Variants in IFT140 observed in about 807,000 individuals in gnomAD.
IFT140 encodes intraflagellar transport 140.
IFT140 carries 133 observed loss-of-function variants against 164.6 expected under a neutral mutation model. That is an observed-to-expected ratio of 0.81 (90% CI 0.70 to 0.93). The LOEUF (loss-of-function observed/expected upper bound fraction) is 0.93. Among genes scored for constraint, IFT140 ranks in the 40% least tolerant of loss-of-function variants. The pLI, the probability that IFT140 is intolerant of heterozygous loss-of-function variation, is 0.00. For missense variants in IFT140, 2,045 were observed against 1,972.3 expected (o/e 1.04, Z -0.70); for synonymous variants, 860 against 817.3 (o/e 1.05, Z -0.89).
At position 1,587,986 on chromosome 16, in the gene IFT140, G is replaced by C. The variant is rs563162000; in HGVS notation, c.849C>G (p.Ile283Met). 3 of 1,613,910 alleles carry C rather than the reference G, an allele frequency of 1.9e-6. No individual in the cohort carries two copies. The highest frequency in any genetic ancestry group is 3.3e-5 in the Admixed American group (2 of 59,996). ...CGAGAAGGCTGCCTTCAATCAAAGCGATGTCTGCCCGGCGGCCGGTTTTCC... is the reference window on the plus strand; with the variant it reads ...CGAGAAGGCTGCCTTCAATCAAAGCCATGTCTGCCCGGCGGCCGGTTTTCC... ...LSGKTGRRADIALIEGSLLVM... is the reference protein window; with the variant it reads ...LSGKTGRRADMALIEGSLLVM... Residue 283 changes from isoleucine to methionine, a missense_variant, in exon 8 of 31, where the codon ATC becomes ATG. Coordinates refer to ENST00000426508, the MANE Select transcript of IFT140 (RefSeq NM_014714.4).
At chr16:1,518,769 C>G (rs1053504960) in intron 29 of IFT140, among the ~76,000 whole-genome samples, 8 of 151,948 alleles carry the variant, frequency 5.3e-5, no homozygotes, top group Non-Finnish European at 8.8e-5. Context: ...TGCCCGCACA[C>G]AGGCTGCGTG....
intron 13 of IFT140, among the ~76,000 whole-genome samples, chr16:1,575,677 C>T (rs187466760): frequency 1.3e-5 from 2 of 152,318 alleles, no homozygotes; most frequent in Admixed American, 1.3e-4. Flanking sequence ...TATTTCCCAT[C>T]ATGCCACTAG....
chr16:1,513,951 G>A (rs905887391), intron 30 of IFT140, among the ~76,000 whole-genome samples: 3 of 151,328 alleles, frequency 2.0e-5, no homozygotes, highest in Admixed American at 2.0e-4. Flanking sequence ...GGGATTACAG[G>A]CGTGAGCCAC....
chr16:1,599,148 G>A (rs367877827), intron 4 of IFT140, among the ~76,000 whole-genome samples: 4 of 80,206 alleles, frequency 5.0e-5, no homozygotes, highest in South Asian at 5.0e-4. Flanking sequence ...CGGCCGCCCC[G>A]TCTGAGAAGT....
In IFT140 at chr16:1,553,296, CTCTCTGTG is replaced by C. The variant is rs1462056763; in HGVS notation, c.2399+4631_2399+4638del. 1 of 983,444 alleles carries C rather than the reference CTCTCTGTG, an allele frequency of 1.0e-6. No individual in the cohort carries two copies. Among genetic ancestry groups the C allele is most frequent in the Non-Finnish European group, 1.2e-6 (1 of 828,358 alleles). The allele number at this position is 983,444 out of a possible 1,614,324, so 60.9% of individuals were successfully genotyped here. A position where few individuals can be genotyped will look rare whatever the true frequency, so the allele number is the denominator to read the frequency against. ...TCTGTCTCTCTGTGTCTCTGCCTGT[CTCTCTGTG>C]TCTCTGTCTCTGTGTCTCTGTCCCT... On this transcript the variant is annotated intron_variant, in intron 19 of 30. Transcript: ENST00000426508. This position sits in a 1 kb window ranked among gnomAD's most constrained non-coding sequence, Gnocchi z 4.4.
chr16:1,518,304 T>C lies in IFT140; in HGVS notation c.4094A>G (p.Glu1365Gly), dbSNP rs770547853. ...ESIKQCELLL[E>G]EPDLDSTIRI... is the part of the protein sequence containing the mutation. ...GATGGTGCTGTCCAGGTCTGGTTCCTCCAGGAGCAGCTCACACTGCTTGAT... is the reference window on the plus strand; with the variant it reads ...GATGGTGCTGTCCAGGTCTGGTTCCCCCAGGAGCAGCTCACACTGCTTGAT... Residue 1365 changes from glutamate to glycine, a missense_variant, in exon 30 of 31, where the codon GAG becomes GGG. Physicochemically the swap from Glu to Gly is moderately conservative, Grantham distance 98. Transcript: ENST00000426508. The C allele has an allele frequency of 6.2e-7, 1 of 1,614,094 alleles. No individual in the cohort carries two copies. The highest frequency in any genetic ancestry group is 2.2e-5 in the East Asian group (1 of 44,842).
chr16:1,554,776 C>T (rs2032952808), intron 19 of IFT140: 1 of 1,613,934 alleles, frequency 6.2e-7, no homozygotes, highest in Non-Finnish European at 8.5e-7. Context: ...CTTCTCTCAT[C>T]TGCAGGTTTT....
intron 19 of IFT140, among the ~76,000 whole-genome samples, chr16:1,543,794 A>G (rs2031888070): frequency 6.6e-6 from 1 of 152,178 alleles, no homozygotes; most frequent in Non-Finnish European, 1.5e-5. Flanking sequence ...GAGGGCCATA[A>G]AACAGAGAAG....
At chr16:1,524,096 A>T in intron 24 of IFT140, 140 bp from the exon 25 acceptor site, 1 of 1,108,866 alleles carries the variant, frequency 9.0e-7, no homozygotes, top group Non-Finnish European at 1.3e-6. Flanking sequence ...ATGGGTTTTA[A>T]GGAGCTGATG....
rs1034308465 is a variant in IFT140 at position 1,575,235 on chromosome 16, C to A, written c.1525-3701G>T. Reference sequence around the variant, plus strand: ...AATAATAATAACAAAATTAGCCAGGCATGGTGATTGGCACCTGTGGTCCCA... The same window carrying A: ...AATAATAATAACAAAATTAGCCAGGAATGGTGATTGGCACCTGTGGTCCCA... On this transcript the variant is annotated intron_variant, in intron 13 of 30. Transcript: ENST00000426508. 2.0e-5 allele frequency among the ~76,000 whole-genome samples: 3 copies of A among 151,668 alleles called. No individual in the cohort carries two copies. The South Asian group carries it at 6.3e-4, about 32-fold the overall frequency.
At chr16:1,590,090 A>G (rs1013144042) in intron 6 of IFT140, among the ~76,000 whole-genome samples, 1 of 150,560 alleles carries the variant, frequency 6.6e-6, no homozygotes, top group African/African-American at 2.5e-5. Flanking sequence ...AATCCCATCT[A>G]CTTGGGAGAC....
intron 4 of IFT140, among the ~76,000 whole-genome samples, chr16:1,599,107 C>A (rs9819297): frequency 0.013 from 1,096 of 85,854 alleles, 29 homozygotes; most frequent in African/African-American, 0.066. Flanking sequence ...CCGGCCGAGA[C>A]CCCGTCTGGG....
At chr16:1,568,648 G>A (rs961959882) in intron 14 of IFT140, among the ~76,000 whole-genome samples, 1 of 152,134 alleles carries the variant, frequency 6.6e-6, no homozygotes, top group Non-Finnish European at 1.5e-5. Flanking sequence ...TTGGGAGGGT[G>A]AGGCAGGCAG....
rs1271260280 is a variant in IFT140 at position 1,520,065 on chromosome 16, G to A, written c.3874-18C>T. On this transcript the variant is annotated intron_variant, in intron 28 of 30. Transcript: ENST00000426508. The stretch of plus-strand genomic sequence containing the variant: ...ATCTCCACCTGTACAGATGAAACCC[G>A]TCAAGACCTGCCGGGCTCCACAGCC... The A allele has an allele frequency of 3.7e-6, 6 of 1,606,446 alleles. No individual in the cohort carries two copies. The highest frequency in any genetic ancestry group is 2.2e-5 in the South Asian group (2 of 90,676).
chr16:1,571,421 A>G lies in IFT140; in HGVS notation c.1638T>C (p.Phe546=), dbSNP rs1423733549. The G allele has an allele frequency of 1.2e-6, 2 of 1,611,494 alleles. No individual in the cohort carries two copies. Among genetic ancestry groups the G allele is most frequent in the African/African-American group, 1.3e-5 (1 of 74,754 alleles). ...AAAAAATTTACCTTCGGGAAAGATCAAAGCTTTTAAAGTGAGCCAAGTCTG... is the reference window on the plus strand; with the variant it reads ...AAAAAATTTACCTTCGGGAAAGATCGAAGCTTTTAAAGTGAGCCAAGTCTG... ...VGTDLAHFKS[F]DLSRREAKAH... is the part of the protein sequence containing the mutation. Residue 546 remains phenylalanine, a synonymous_variant, in exon 14 of 31, where the codon TTT becomes TTC. Coordinates refer to ENST00000426508, the MANE Select transcript of IFT140 (RefSeq NM_014714.4).
Position 1,568,308 on chromosome 16 carries a change from C to T in IFT140, c.1679G>A (p.Arg560Lys), listed in dbSNP as rs376061729. The T allele has an allele frequency of 3.7e-6, 6 of 1,613,758 alleles. No homozygotes were observed. In the African/African-American group the frequency reaches 8.0e-5, roughly 22 times the overall value. ...RREAKAHCSC[R>K]SLAELVPGVG... is the part of the protein sequence containing the mutation. ...CCCAGGGACCAGCTCCGCCAGGCTC[C>T]TGCAGCTACAGTGTGCTTTGGCCTC... Residue 560 changes from arginine (R) to lysine (K), a missense_variant, in exon 15 of 31, where the codon AGG (arginine) becomes AAG (lysine). Arg to Lys is a conservative substitution (Grantham distance 26). Transcript: ENST00000426508.
rs530458420 is a variant in IFT140, at chr16:1,549,498, G to A, written c.2399+8437C>T. 7.2e-5 allele frequency among the ~76,000 whole-genome samples: 11 copies of A among 152,234 alleles called. No homozygotes were observed. In the South Asian group the frequency reaches 1.9e-3, roughly 26 times the overall value. ...CTGGAGGGCAATGGCGTGCAATCTCGGCTCACCGCCGCAAGCTCTGCCTCC... is the reference window on the plus strand; with the variant it reads ...CTGGAGGGCAATGGCGTGCAATCTCAGCTCACCGCCGCAAGCTCTGCCTCC... On this transcript the variant is annotated intron_variant, in intron 19 of 30. Transcript: ENST00000426508.
Position 1,510,557 on chromosome 16 carries a change from G to A in IFT140, c.*387C>T, listed in dbSNP as rs2040104789. The A allele has an allele frequency of 3.2e-6, 1 of 315,462 alleles. No homozygotes were observed. Among genetic ancestry groups the A allele is most frequent in the African/African-American group, 2.2e-5 (1 of 44,716 alleles). The allele number at this position is 315,462 out of a possible 1,614,324, so 19.5% of individuals were successfully genotyped here. The stretch of plus-strand genomic sequence containing the variant: ...CTCAGGAGCCGTGGGCCCTGCAGGA[G>A]TATGGGGAGGATATGATGTGTGGGG... On this transcript the variant is annotated 3_prime_UTR_variant, in exon 31 of 31. Coordinates refer to ENST00000426508, the MANE Select transcript of IFT140 (RefSeq NM_014714.4).
chr16:1,575,846 T>G (rs2034248039), intron 13 of IFT140, among the ~76,000 whole-genome samples: 1 of 151,878 alleles, frequency 6.6e-6, no homozygotes, highest in African/African-American at 2.4e-5. Context: ...ATTCACCCTT[T>G]CCCATCATGC....
Sources: allele counts gnomAD v4.1 joint callset (sites outside exome capture counted in the v4.1 genomes callset), GRCh38; gene constraint gnomAD v4.1.1; non-coding constraint Gnocchi (gnomAD v3.1); transcripts MANE v1.5; gene names NCBI Gene and HGNC (gene_info 2026-07-23, HGNC 2026-07-21).